The following GTF2IRD1 variants were observed in gnomAD, a reference collection of about 807,000 sequenced individuals.
GTF2IRD1 encodes GTF2I repeat domain containing 1, also known as general transcription factor II-I repeat domain-containing protein 1.
In GTF2IRD1, 26 loss-of-function variants were observed where a neutral mutation model predicts 113.2. The ratio of observed to expected loss-of-function variants is 0.23; its 90% CI spans 0.17 to 0.32. GTF2IRD1 has a LOEUF of 0.32. Ranked by LOEUF, GTF2IRD1 falls within the 10% of genes least tolerant of loss-of-function variation. The pLI is 1.00. For missense variants in GTF2IRD1, 864 were observed against 1,280.8 expected, an observed-to-expected ratio of 0.67 and a Z score of 4.97; for synonymous variants, 484 against 529.1, an observed-to-expected ratio of 0.91 and a Z score of 1.17.
rs1412461472 is a variant in GTF2IRD1 at position 74,583,355 on chromosome 7, ATTTTTCTTTT to A, written c.2321-6480_2321-6471del. 2.9e-5 allele frequency among the ~76,000 whole-genome samples: 4 copies of A among 138,500 alleles called. No homozygotes were observed. The East Asian group carries it at 6.2e-4, about 22-fold the overall frequency. 90.9% of individuals were successfully genotyped at this position (138,500 alleles called of 152,430 possible). A position where few individuals can be genotyped will look rare whatever the true frequency, so the allele number is the denominator to read the frequency against. On this transcript the variant is annotated intron_variant, in intron 22 of 26. Coordinates refer to ENST00000424337, the MANE Select transcript of GTF2IRD1 (RefSeq NM_005685.4). ...AGGCACACACCACCATGCCCAGCTA[ATTTTTCTTTT>A]TTTTTCTTTTTTTTTTTTTTTTTTT...
intron 1 of GTF2IRD1, among the ~76,000 whole-genome samples, chr7:74,501,612 G>A (rs1405660585): frequency 1.3e-5 from 2 of 152,098 alleles, no homozygotes; most frequent in East Asian, 3.9e-4. Context: ...GGGCATCTAA[G>A]GTGGTGGATG....
intron 22 of GTF2IRD1, among the ~76,000 whole-genome samples, chr7:74,577,012 G>A (rs1323847957): frequency 2.0e-5 from 3 of 151,888 alleles, no homozygotes; most frequent in Non-Finnish European, 4.4e-5. Context: ...GTTACCAAGT[G>A]CCCGTGATGG....
In GTF2IRD1 at chr7:74,562,195, C is replaced by T. The variant is rs147820694; in HGVS notation, c.2320+2540C>T. On this transcript the variant is annotated intron_variant, in intron 22 of 26. Coordinates refer to ENST00000424337, the MANE Select transcript of GTF2IRD1 (RefSeq NM_005685.4). ...CTGGCCTGGGCCAGCACCGGCAGTT[C>T]CAGGGTGAATCGGAGTGGAAGCTGG... Among the ~76,000 whole-genome samples, 308 of 152,304 alleles carry T rather than the reference C, an allele frequency of 2.0e-3. 12 individuals are homozygous for T. The highest frequency in any genetic ancestry group is 2.2e-3 in the Non-Finnish European group (147 of 68,026).
chr7:74,462,056 A>G (rs1254332880), intron 1 of GTF2IRD1, among the ~76,000 whole-genome samples: 3 of 152,132 alleles, frequency 2.0e-5, no homozygotes, highest in Non-Finnish European at 4.4e-5. Flanking sequence ...TAGACAACAT[A>G]GTGAAACCTC....
At chr7:74,562,604 G>A (rs1337449550) in intron 22 of GTF2IRD1, among the ~76,000 whole-genome samples, 12 of 82,756 alleles carry the variant, frequency 1.5e-4, no homozygotes, top group Non-Finnish European at 1.9e-4. Flanking sequence ...TTTAGCTCTT[G>A]TTGCCCAGGC....
At chr7:74,575,307 G>C (rs1181078619) in intron 22 of GTF2IRD1, among the ~76,000 whole-genome samples, 1 of 152,178 alleles carries the variant, frequency 6.6e-6, no homozygotes, top group African/African-American at 2.4e-5. Context: ...AACAGCAGCT[G>C]CAAAGCCCCT....
Position 74,555,473 on chromosome 7 carries a change from C to T in GTF2IRD1, c.2002C>T (p.Leu668=), listed in dbSNP as rs782454905. The T allele has an allele frequency of 3.7e-6, 6 of 1,611,018 alleles. No individual in the cohort carries two copies. The African/African-American group carries it at 8.0e-5, about 22-fold the overall frequency. ...DSGDPLVDES[L]KRQGFQENYD... Reference sequence around the variant, plus strand: ...CGGGGACCCTCTGGTGGACGAGAGCCTGAAGAGACAGGGCTTTCAAGGTAA... The same window carrying T: ...CGGGGACCCTCTGGTGGACGAGAGCTTGAAGAGACAGGGCTTTCAAGGTAA... Residue 668 remains leucine, a synonymous_variant, in exon 19 of 27, where the codon CTG becomes TTG. Coordinates refer to ENST00000424337, the MANE Select transcript of GTF2IRD1 (RefSeq NM_005685.4). The surrounding 1 kb of genome is among the most constrained non-coding windows in gnomAD (Gnocchi z 5.3).
intron 22 of GTF2IRD1, among the ~76,000 whole-genome samples, chr7:74,562,302 T>C (rs1800017571): frequency 6.6e-6 from 1 of 152,080 alleles, no homozygotes; most frequent in South Asian, 2.1e-4. Flanking sequence ...GGGTGGCAGA[T>C]AGTTGCAGAG....
chr7:74,545,879 C>A, intron 16 of GTF2IRD1, 70 bp downstream of exon 16: 1 of 1,140,008 alleles, frequency 8.8e-7, no homozygotes, highest in Non-Finnish European at 1.3e-6. Flanking sequence ...TGCAGAAGGG[C>A]TTTGGTCGCA....
intron 22 of GTF2IRD1, among the ~76,000 whole-genome samples, chr7:74,586,327 C>T (rs1209429159): frequency 1.7e-4 from 26 of 152,070 alleles, no homozygotes; most frequent in African/African-American, 6.0e-4. Context: ...AAGGAAGGCC[C>T]GTGTTGGGTC....
At chr7:74,497,969 G>T (rs1795824429) in intron 1 of GTF2IRD1, among the ~76,000 whole-genome samples, 1 of 152,184 alleles carries the variant, frequency 6.6e-6, no homozygotes, top group Non-Finnish European at 1.5e-5. Flanking sequence ...CTCCCAAAGT[G>T]CTGGGATTAC....
chr7:74,583,617 C>T lies in GTF2IRD1; in HGVS notation c.2321-6234C>T, dbSNP rs151105235. Among the ~76,000 whole-genome samples the T allele has an allele frequency of 2.6e-3, 391 of 152,126 alleles. 3 individuals carry two copies. The highest frequency in any genetic ancestry group is 0.024 in the Middle Eastern group (7 of 294). On this transcript the variant is annotated intron_variant, in intron 22 of 26. Coordinates refer to ENST00000424337, the MANE Select transcript of GTF2IRD1 (RefSeq NM_005685.4). ...AGCCCGGCCCCACTTTCCTGACATG[C>T]ACACTCCCACCACTTCTGGTCCACC...
chr7:74,523,361 A>G (rs1337448033), intron 7 of GTF2IRD1, among the ~76,000 whole-genome samples: 4 of 152,234 alleles, frequency 2.6e-5, no homozygotes, highest in African/African-American at 9.6e-5. Flanking sequence ...ACTGCAGTCC[A>G]GCCTGGGCAA....
chr7:74,517,146 C>A (rs1554344822), intron 4 of GTF2IRD1, among the ~76,000 whole-genome samples: 2 of 152,002 alleles, frequency 1.3e-5, no homozygotes, highest in African/African-American at 2.4e-5. Flanking sequence ...GCCTCAGCCT[C>A]CTGAGTAGCT....
At chr7:74,581,021 T>TG (rs1304194443) in intron 22 of GTF2IRD1, among the ~76,000 whole-genome samples, 44 of 151,590 alleles carry the variant, frequency 2.9e-4, no homozygotes, top group Admixed American at 1.3e-3. Flanking sequence ...CCCCCTTTTC[T>TG]GGGGGGGGTT....
intron 26 of GTF2IRD1, chr7:74,601,650 C>T: frequency 2.9e-6 from 1 of 339,890 alleles, no homozygotes; most frequent in South Asian, 4.2e-5. Context: ...GGCATAGTGG[C>T]TCATGCCTGT....
intron 22 of GTF2IRD1, among the ~76,000 whole-genome samples, chr7:74,571,435 T>C (rs1394730390): frequency 1.3e-5 from 2 of 152,028 alleles, no homozygotes; most frequent in Non-Finnish European, 2.9e-5. Context: ...GACGTCCCCA[T>C]AGCGGAGGAA....
intron 1 of GTF2IRD1, among the ~76,000 whole-genome samples, chr7:74,494,656 G>A (rs1325779876): frequency 2.6e-5 from 4 of 152,172 alleles, no homozygotes; most frequent in African/African-American, 9.7e-5. Context: ...GGAGGCCGAG[G>A]TGGGAAGATC....
At chr7:74,554,429 A>G (rs1406264779) in intron 17 of GTF2IRD1, among the ~76,000 whole-genome samples, 1 of 152,174 alleles carries the variant, frequency 6.6e-6, no homozygotes, top group East Asian at 1.9e-4. Context: ...GGGCTTGGTC[A>G]CTGGTGCTTC....
Sources: allele counts gnomAD v4.1 joint callset (sites outside exome capture counted in the v4.1 genomes callset), GRCh38; gene constraint gnomAD v4.1.1; non-coding constraint Gnocchi (gnomAD v3.1); transcripts MANE v1.5; gene names NCBI Gene and HGNC (gene_info 2026-07-23, HGNC 2026-07-21).